NOX3: variants seen among roughly 807,000 people sequenced by gnomAD.
The protein encoded by NOX3 is NADPH oxidase catalytic subunit-like 3.
NOX3 carries 74 observed loss-of-function variants against 76.7 expected under a neutral mutation model. The observed-to-expected ratio is 0.96, with a 90% CI of 0.80 to 1.17. The LOEUF (loss-of-function observed/expected upper bound fraction) is 1.17, where lower values mean the gene tolerates loss of function less well. Ranked by LOEUF, NOX3 falls within the 50% of genes most tolerant of loss-of-function variation. The pLI is 0.00. For synonymous variants in NOX3, 263 were observed against 261.1 expected (o/e 1.01, Z -0.07); for missense variants, 695 against 703.3 (o/e 0.99, Z 0.13).
At chr6:155,440,174 A>C in intron 5 of NOX3, 37 bp from the exon 6 acceptor site, 3 of 1,425,764 alleles carry the variant, frequency 2.1e-6, no homozygotes, top group South Asian at 2.8e-5. Flanking sequence ...AGAAACAAAC[A>C]AAAAAAAACA....
At chr6:155,450,905 G>A (rs9478652) in intron 4 of NOX3, among the ~76,000 whole-genome samples, 39,458 of 152,022 alleles carry the variant, frequency 0.26, 6,113 homozygotes, top group African/African-American at 0.43. Context: ...TGCAATAGCA[G>A]CAAGTGAATA....
chr6:155,444,265 T>C lies in NOX3; in HGVS notation c.341-847A>G, dbSNP rs537363972. 3.3e-5 allele frequency among the ~76,000 whole-genome samples: 5 copies of C among 152,360 alleles called. No individual in the cohort carries two copies. The South Asian group carries it at 1.0e-3, about 32-fold the overall frequency. On this transcript the variant is annotated intron_variant, in intron 4 of 13. Coordinates refer to ENST00000159060, the MANE Select transcript of NOX3 (RefSeq NM_015718.3). ...TTCCAGGAATAAGCAATTTGTGTTT[T>C]ACACTGCATGCCATTCTGAGTAGCA...
At chr6:155,405,661 G>T (rs1276864505) in intron 12 of NOX3, among the ~76,000 whole-genome samples, 4 of 152,100 alleles carry the variant, frequency 2.6e-5, no homozygotes, top group African/African-American at 7.2e-5. Flanking sequence ...ATGGTAAGTG[G>T]GGATTCCACT....
chr6:155,411,809 C>T (rs1452328275), intron 10 of NOX3, among the ~76,000 whole-genome samples: 1 of 152,214 alleles, frequency 6.6e-6, no homozygotes, highest in Admixed American at 6.5e-5. Flanking sequence ...ATCCACTTCA[C>T]TAGCTACGGC....
At chr6:155,408,764 A>G (rs1015734421) in intron 11 of NOX3, among the ~76,000 whole-genome samples, 1 of 152,232 alleles carries the variant, frequency 6.6e-6, no homozygotes, top group Non-Finnish European at 1.5e-5. Flanking sequence ...GTGGAATACT[A>G]TGCAGCCATA....
At position 155,429,385 on chromosome 6, in the gene NOX3, G is replaced by T. The variant is rs374747935; in HGVS notation, c.892-338C>A. Among the ~76,000 whole-genome samples the T allele has an allele frequency of 3.5e-4, 54 of 152,288 alleles. No homozygotes were observed. The South Asian group carries it at 0.011, about 30-fold the overall frequency. On this transcript the variant is annotated intron_variant, in intron 8 of 13. Coordinates refer to ENST00000159060, the MANE Select transcript of NOX3 (RefSeq NM_015718.3). ...ACAGTAGAAGCTTGCATATTATTATGCTTAGGGTTATTAAAATAAGTCACC... is the reference window on the plus strand; with the variant it reads ...ACAGTAGAAGCTTGCATATTATTATTCTTAGGGTTATTAAAATAAGTCACC...
At position 155,426,613 on chromosome 6, in the gene NOX3, A is replaced by G. The variant is rs114708292; in HGVS notation, c.1145+2181T>C. Among the ~76,000 whole-genome samples the G allele has an allele frequency of 9.1e-4, 139 of 152,252 alleles. 1 individual carries two copies. Among genetic ancestry groups the G allele is most frequent in the African/African-American group, 3.2e-3 (131 of 41,554 alleles). On this transcript the variant is annotated intron_variant, in intron 9 of 13. Coordinates refer to ENST00000159060, the MANE Select transcript of NOX3 (RefSeq NM_015718.3). Reference sequence around the variant, plus strand: ...GAACAGCATTCCAGGTGGAGGGAACAGCAATGGCAAAGGCACTGAGGACTA... The same window carrying G: ...GAACAGCATTCCAGGTGGAGGGAACGGCAATGGCAAAGGCACTGAGGACTA...
chr6:155,397,102 T>TC, intron 12 of NOX3, 140 bp from the exon 13 acceptor site: 1 of 720,592 alleles, frequency 1.4e-6, no homozygotes, highest in Non-Finnish European at 2.1e-6. Flanking sequence ...TTTCTTAGAT[T>TC]CTTTTTTTCT....
chr6:155,410,347 T>C (rs1210750460), intron 11 of NOX3, among the ~76,000 whole-genome samples: 1 of 150,740 alleles, frequency 6.6e-6, no homozygotes, highest in African/African-American at 2.5e-5. Flanking sequence ...ATGTGTGATG[T>C]ACATACACAG....
chr6:155,423,918 T>C (rs1310404579), intron 9 of NOX3, among the ~76,000 whole-genome samples: 1 of 152,068 alleles, frequency 6.6e-6, no homozygotes, highest in Non-Finnish European at 1.5e-5. Context: ...TTTTTTTGTA[T>C]TTTTCATAGA....
At chr6:155,453,706 C>G (rs1033669858) in intron 3 of NOX3, among the ~76,000 whole-genome samples, 1 of 152,162 alleles carries the variant, frequency 6.6e-6, no homozygotes, top group African/African-American at 2.4e-5. Flanking sequence ...TATTAGTTCT[C>G]TGTTTATAAT....
intron 7 of NOX3, among the ~76,000 whole-genome samples, chr6:155,431,413 A>AACACACACACACAC (rs61041630): frequency 0.016 from 2,362 of 144,688 alleles, 32 homozygotes; most frequent in East Asian, 0.054. Context: ...TAAACACAGA[A>AACACACACACACAC]ACACACACAC....
At chr6:155,406,994 T>C (rs1776472825) in intron 12 of NOX3, 136 bp downstream of exon 12, 1 of 920,414 alleles carries the variant, frequency 1.1e-6, no homozygotes, top group Non-Finnish European at 1.6e-6. Flanking sequence ...AAATATACCA[T>C]TGATCACCTT....
Position 155,443,420 on chromosome 6 carries a change from T to C in NOX3, c.341-2A>G. ...AGAAATGCGCCACGATGTGGATGGC[T>C]AGGACAAGGAGATGACACCAAACAT... On this transcript the variant is annotated splice_acceptor_variant, in intron 4 of 13. Transcript: ENST00000159060. LOFTEE classifies it high-confidence loss of function. 1.2e-6 allele frequency: 2 copies of C among 1,613,702 alleles called. No homozygotes were observed. The highest frequency in any genetic ancestry group is 1.7e-4 in the Middle Eastern group (1 of 6,032).
chr6:155,433,846 G>C (rs1776866715), intron 7 of NOX3, among the ~76,000 whole-genome samples: 1 of 152,134 alleles, frequency 6.6e-6, no homozygotes, highest in African/African-American at 2.4e-5. Context: ...TAAATAATGG[G>C]GAAGAACTAT....
At chr6:155,446,197 C>T (rs1777063591) in intron 4 of NOX3, among the ~76,000 whole-genome samples, 1 of 151,848 alleles carries the variant, frequency 6.6e-6, no homozygotes, top group Admixed American at 6.6e-5. Context: ...TCAAAATATA[C>T]AGCCATGTCT....
intron 12 of NOX3, among the ~76,000 whole-genome samples, chr6:155,400,667 C>T (rs1244134966): frequency 2.0e-5 from 3 of 151,044 alleles, no homozygotes; most frequent in Admixed American, 2.0e-4. Context: ...AACCTATCTC[C>T]CAGTTAATTT....
chr6:155,409,283 G>C (rs1322858871), intron 11 of NOX3, among the ~76,000 whole-genome samples: 1 of 152,122 alleles, frequency 6.6e-6, no homozygotes, highest in Non-Finnish European at 1.5e-5. Flanking sequence ...AGCCATGGAC[G>C]TGTGACTGTG....
intron 11 of NOX3, among the ~76,000 whole-genome samples, chr6:155,407,922 ACAGC>A (rs1177877772): frequency 3.3e-5 from 5 of 152,172 alleles, no homozygotes; most frequent in Non-Finnish European, 7.3e-5. Context: ...TCAATAAATG[ACAGC>A]CCACAGCATA....
Sources: allele counts gnomAD v4.1 joint callset (sites outside exome capture counted in the v4.1 genomes callset), GRCh38; gene constraint gnomAD v4.1.1; transcripts MANE v1.5; gene names NCBI Gene and HGNC (gene_info 2026-07-23, HGNC 2026-07-21).